MPPED2: variants seen among roughly 807,000 people sequenced by gnomAD.
MPPED2 encodes metallophosphoesterase MPPED2.
A neutral mutation model predicts 33.0 loss-of-function variants in MPPED2; 5 were observed. That is an observed-to-expected ratio of 0.15 (90% CI 0.08 to 0.32). The LOEUF is 0.32. Ranked by LOEUF, MPPED2 falls within the 10% of genes least tolerant of loss-of-function variation. The pLI, the probability that MPPED2 is intolerant of heterozygous loss-of-function variation, is 1.00. For synonymous variants in MPPED2, 136 were observed against 141.9 expected, an observed-to-expected ratio of 0.96 and a Z score of 0.29; for missense variants, 275 against 372.1, an observed-to-expected ratio of 0.74 and a Z score of 2.15.
chr11:30,495,573 G>T, intron 3 of MPPED2, 52 bp from the exon 4 acceptor site: 1 of 1,363,750 alleles, frequency 7.3e-7, no homozygotes. Context: ...CCATCACAAA[G>T]TACAACAGCC....
chr11:30,586,931 CA>C (rs1957487179), upstream of MPPED2: 19 of 8,872 alleles, frequency 2.1e-3, no homozygotes, highest in African/African-American at 0.014. This position sits in a 1 kb window ranked among gnomAD's most constrained non-coding sequence, Gnocchi z 4.8. Flanking sequence ...ACACGACAGA[CA>C]CACACACACA....
chr11:30,414,146 A>G (rs1399027888), intron 6 of MPPED2, 82 bp downstream of exon 6: 8 of 950,640 alleles, frequency 8.4e-6, no homozygotes, highest in South Asian at 1.4e-5. Flanking sequence ...TTTGAAAACA[A>G]CTACTCCACT....
At chr11:30,473,939 A>C (rs1951063343) in intron 4 of MPPED2, among the ~76,000 whole-genome samples, 1 of 152,238 alleles carries the variant, frequency 6.6e-6, no homozygotes, top group Admixed American at 6.5e-5. Context: ...CACCCAAGTC[A>C]TGCCTTGAAA....
chr11:30,448,463 C>T (rs746360639), intron 4 of MPPED2, among the ~76,000 whole-genome samples: 18 of 152,168 alleles, frequency 1.2e-4, no homozygotes, highest in Admixed American at 6.6e-5. Context: ...GATTGTTACA[C>T]GGGTTCCACA....
intron 4 of MPPED2, among the ~76,000 whole-genome samples, chr11:30,433,038 G>A (rs117872134): frequency 5.9e-5 from 9 of 152,314 alleles, no homozygotes; most frequent in East Asian, 1.9e-4. Flanking sequence ...TCTCCAGTTC[G>A]GTGATGGCTC....
chr11:30,419,092 A>G (rs1321962581), intron 4 of MPPED2, among the ~76,000 whole-genome samples: 1 of 152,310 alleles, frequency 6.6e-6, no homozygotes, highest in South Asian at 2.1e-4. Flanking sequence ...TAATAGAAAT[A>G]AGAATATGAG....
intron 2 of MPPED2, among the ~76,000 whole-genome samples, chr11:30,566,994 C>G (rs985640380): frequency 6.6e-6 from 1 of 152,136 alleles, no homozygotes; most frequent in Non-Finnish European, 1.5e-5. Context: ...TTTTGTGACT[C>G]AAAGTTTACG....
At chr11:30,408,957 G>A (rs1206764889), downstream of MPPED2, among the ~76,000 whole-genome samples, 2 of 152,164 alleles carry the variant, frequency 1.3e-5, no homozygotes, top group African/African-American at 2.4e-5. Flanking sequence ...TCCCTCAGAG[G>A]CAGCTCGTGC....
chr11:30,540,520 G>A (rs1955039500), intron 2 of MPPED2, among the ~76,000 whole-genome samples: 1 of 151,978 alleles, frequency 6.6e-6, no homozygotes, highest in Non-Finnish European at 1.5e-5. Context: ...ATAAATGTTA[G>A]TATTTTTTTT....
chr11:30,562,849 CAT>C (rs1195331682), intron 2 of MPPED2, among the ~76,000 whole-genome samples: 3 of 152,094 alleles, frequency 2.0e-5, no homozygotes, highest in Admixed American at 1.3e-4. Context: ...ATAATGCACA[CAT>C]GATTATTTTA....
At position 30,425,071 on chromosome 11, in the gene MPPED2, T is replaced by C. The variant is rs552790007; in HGVS notation, c.537-7438A>G. Among the ~76,000 whole-genome samples, 10 of 152,256 alleles carry C rather than the reference T, an allele frequency of 6.6e-5. No individual in the cohort carries two copies. In the South Asian group the frequency reaches 1.9e-3, roughly 28 times the overall value. On this transcript the variant is annotated intron_variant, in intron 4 of 6. Coordinates refer to ENST00000358117, the MANE Select transcript of MPPED2 (RefSeq NM_001584.3). ...GTCTTTCGTTATGAGATCCTTGGGA[T>C]GAAAAGAGATATTGTTTTGATAAAG... is the stretch of plus-strand genomic sequence containing the variant.
chr11:30,436,836 G>A (rs1949347735), intron 4 of MPPED2, among the ~76,000 whole-genome samples: 1 of 152,156 alleles, frequency 6.6e-6, no homozygotes. Context: ...ATTCAATAAA[G>A]CAATATACTT....
intron 3 of MPPED2, among the ~76,000 whole-genome samples, chr11:30,520,297 A>G (rs1953791867): frequency 1.3e-5 from 2 of 152,246 alleles, no homozygotes; most frequent in Admixed American, 1.3e-4. Flanking sequence ...TCAATAATGC[A>G]TGTTATAGTT....
chr11:30,525,331 T>C (rs1954106484), intron 3 of MPPED2, among the ~76,000 whole-genome samples: 1 of 152,204 alleles, frequency 6.6e-6, no homozygotes, highest in Non-Finnish European at 1.5e-5. Context: ...CTCTAGGATT[T>C]AGGGGGCTTC....
chr11:30,448,167 C>G (rs1319793768), intron 4 of MPPED2, among the ~76,000 whole-genome samples: 1 of 152,108 alleles, frequency 6.6e-6, no homozygotes, highest in African/African-American at 2.4e-5. Context: ...CATCATTTTC[C>G]TAAGAGGGGA....
intron 2 of MPPED2, among the ~76,000 whole-genome samples, chr11:30,539,333 A>G (rs1311562306): frequency 6.6e-6 from 1 of 152,206 alleles, no homozygotes; most frequent in African/African-American, 2.4e-5. Flanking sequence ...CCCCTAAGGC[A>G]TCGTGTCAAA....
At chr11:30,502,485 C>T (rs1231681116) in intron 3 of MPPED2, among the ~76,000 whole-genome samples, 1 of 152,174 alleles carries the variant, frequency 6.6e-6, no homozygotes, top group Non-Finnish European at 1.5e-5. Context: ...TTAATTAAAA[C>T]ATTCCCCGAA....
exon 7 of MPPED2, chr11:30,384,660 C>G (rs966793019): frequency 6.6e-6 from 1 of 151,976 alleles, no homozygotes; most frequent in East Asian, 1.9e-4. Context: ...CGGGGTTTCA[C>G]CATGTTGGCC....
At chr11:30,388,675 C>G in exon 7 of MPPED2, 1 of 469,180 alleles carries the variant, frequency 2.1e-6, no homozygotes, top group South Asian at 4.3e-5. Context: ...GTTTCCTCTT[C>G]CAGCAGAGCC....
Sources: allele counts gnomAD v4.1 joint callset (sites outside exome capture counted in the v4.1 genomes callset), GRCh38; gene constraint gnomAD v4.1.1; non-coding constraint Gnocchi (gnomAD v3.1); transcripts MANE v1.5; gene names NCBI Gene and HGNC (gene_info 2026-07-23, HGNC 2026-07-21).